The following GJA1 variants were observed in gnomAD, a reference collection of about 807,000 sequenced individuals.
The protein encoded by GJA1 is gap junction protein alpha 1, also known as gap junction alpha-1 protein.
In GJA1, 9 loss-of-function variants were observed where a neutral mutation model predicts 31.0. The ratio of observed to expected loss-of-function variants is 0.29; its 90% CI spans 0.17 to 0.51. GJA1 has a LOEUF of 0.51. GJA1 is among the 20% of genes least tolerant of loss of function. The pLI, the probability that GJA1 is intolerant of heterozygous loss-of-function variation, is 0.98. For synonymous variants in GJA1, 186 were observed against 180.1 expected, an observed-to-expected ratio of 1.03 and a Z score of -0.26; for missense variants, 278 against 468.8, an observed-to-expected ratio of 0.59 and a Z score of 3.76.
chr6:121,440,537 T>C (rs1773753713), intron 1 of GJA1, among the ~76,000 whole-genome samples: 1 of 152,084 alleles, frequency 6.6e-6, no homozygotes, highest in Non-Finnish European at 1.5e-5. Flanking sequence ...AATGAGATGA[T>C]GACAATAGTT....
At chr6:121,441,187 C>A (rs1395838600) in intron 1 of GJA1, among the ~76,000 whole-genome samples, 1 of 152,094 alleles carries the variant, frequency 6.6e-6, no homozygotes, top group Non-Finnish European at 1.5e-5. Flanking sequence ...CTCCTAACCT[C>A]GTGATCCGCC....
intron 1 of GJA1, among the ~76,000 whole-genome samples, chr6:121,436,519 A>G (rs950148193): frequency 2.0e-5 from 3 of 152,228 alleles, no homozygotes; most frequent in Non-Finnish European, 4.4e-5. Flanking sequence ...AGCAACCGCT[A>G]TGGAAAGATT....
chr6:121,438,556 G>T (rs149557887), intron 1 of GJA1, among the ~76,000 whole-genome samples: 8 of 152,186 alleles, frequency 5.3e-5, no homozygotes, highest in Admixed American at 2.0e-4. Flanking sequence ...TATGATACCC[G>T]CAGGGAAGGG....
chr6:121,437,582 C>A (rs574456212), intron 1 of GJA1, among the ~76,000 whole-genome samples: 51 of 152,146 alleles, frequency 3.4e-4, no homozygotes, highest in African/African-American at 1.1e-3. Flanking sequence ...CAGCCTGTTT[C>A]CGAGACGCGC....
chr6:121,448,051 C>A lies in GJA1; in HGVS notation c.*55C>A. The A allele has an allele frequency of 1.3e-6, 2 of 1,481,490 alleles. No individual in the cohort carries two copies. Among genetic ancestry groups the A allele is most frequent in the Admixed American group, 3.3e-5 (2 of 59,810 alleles). The allele number at this position is 1,481,490 out of a possible 1,614,324, so 91.8% of individuals were successfully genotyped here. ...TCAATTGTGGAGAAGAAAAAAGGTG[C>A]TGTAGAAAGTGCACCAGGTGTTAAT... On this transcript the variant is annotated 3_prime_UTR_variant, in exon 2 of 2. Coordinates refer to ENST00000282561, the MANE Select transcript of GJA1 (RefSeq NM_000165.5).
At chr6:121,441,806 C>T (rs1464745303) in intron 1 of GJA1, among the ~76,000 whole-genome samples, 1 of 152,100 alleles carries the variant, frequency 6.6e-6, no homozygotes, top group Non-Finnish European at 1.5e-5. Flanking sequence ...ACCTAGCAAA[C>T]TGATGATGGC....
chr6:121,439,910 G>A (rs921220523), intron 1 of GJA1, among the ~76,000 whole-genome samples: 2 of 152,176 alleles, frequency 1.3e-5, no homozygotes, highest in African/African-American at 4.8e-5. Flanking sequence ...AGGAAGTAAA[G>A]GTTGGGTATT....
At chr6:121,441,062 C>G (rs1473898662) in intron 1 of GJA1, among the ~76,000 whole-genome samples, 1 of 152,172 alleles carries the variant, frequency 6.6e-6, no homozygotes, top group African/African-American at 2.4e-5. Context: ...CCTGCCTCAG[C>G]CTCCCGAGTA....
intron 1 of GJA1, 96 bp from the exon 2 acceptor site, chr6:121,446,736 C>T (rs1773896080): frequency 3.5e-6 from 3 of 851,390 alleles, no homozygotes; most frequent in South Asian, 2.7e-5. Flanking sequence ...TACGTGAAAC[C>T]GTTGGTAGTA....
chr6:121,443,019 T>A (rs964402814), intron 1 of GJA1, among the ~76,000 whole-genome samples: 1 of 152,216 alleles, frequency 6.6e-6, no homozygotes, highest in African/African-American at 2.4e-5. Flanking sequence ...GGTCTTCTCA[T>A]GTATCAAATA....
chr6:121,442,702 G>GTT (rs1449858661), intron 1 of GJA1, among the ~76,000 whole-genome samples: 1 of 152,230 alleles, frequency 6.6e-6, no homozygotes, highest in African/African-American at 2.4e-5. Context: ...AGGAATGTAT[G>GTT]TTTTTAACAA....
rs1773903286 is a variant in GJA1 at position 121,447,225 on chromosome 6, C to G, written c.378C>G (p.His126Gln). The change falls in exon 2 of 2, where the codon CAC becomes CAG. Residue 126 changes from histidine (H) to glutamine (Q), a missense_variant. By Grantham distance (24) the His-to-Gln change is conservative. Transcript: ENST00000282561. ...CTGATGGTGTCAATGTGGACATGCA[C>G]TTGAAGCAGATTGAGATAAAGAAGT... ...AQTDGVNVDMHLKQIEIKKFK... is the reference protein window; with the variant it reads ...AQTDGVNVDMQLKQIEIKKFK... The G allele has an allele frequency of 6.2e-7, 1 of 1,613,966 alleles. No homozygotes were observed. Among genetic ancestry groups the G allele is most frequent in the South Asian group, 1.1e-5 (1 of 91,072 alleles).
At chr6:121,444,031 T>G (rs1032085542) in intron 1 of GJA1, among the ~76,000 whole-genome samples, 2 of 152,188 alleles carry the variant, frequency 1.3e-5, no homozygotes, top group African/African-American at 4.8e-5. Context: ...GGACTATACT[T>G]CTTCATTTCC....
chr6:121,437,168 T>C (rs1036585467), intron 1 of GJA1, among the ~76,000 whole-genome samples: 2 of 152,146 alleles, frequency 1.3e-5, no homozygotes, highest in East Asian at 3.9e-4. Flanking sequence ...CAGCTCGGTC[T>C]TGGGACGTTT....
chr6:121,446,601 C>G (rs1376658961), intron 1 of GJA1, among the ~76,000 whole-genome samples: 2 of 152,244 alleles, frequency 1.3e-5, no homozygotes, highest in Non-Finnish European at 2.9e-5. Flanking sequence ...AACTCATCAT[C>G]TGTTGCTTCT....
intron 1 of GJA1, among the ~76,000 whole-genome samples, chr6:121,440,642 A>C (rs1295762621): frequency 3.4e-5 from 5 of 147,200 alleles, no homozygotes; most frequent in African/African-American, 1.1e-4. Flanking sequence ...AGAAAAAAAC[A>C]AACTTTTTTT....
intron 1 of GJA1, among the ~76,000 whole-genome samples, chr6:121,440,937 TTG>T: frequency 6.9e-6 from 1 of 144,282 alleles, no homozygotes; most frequent in African/African-American, 2.5e-5. Context: ...GTTGTTGTTG[TTG>T]TTGTTTGTCG....
chr6:121,446,716 A>G (rs548067967), intron 1 of GJA1, 116 bp from the exon 2 acceptor site: 1 of 793,768 alleles, frequency 1.3e-6, no homozygotes, highest in South Asian at 1.5e-5. Context: ...TTGTGAAAGA[A>G]TGTTAGAAAT....
chr6:121,441,156 G>A (rs746137256), intron 1 of GJA1, among the ~76,000 whole-genome samples: 1 of 152,104 alleles, frequency 6.6e-6, no homozygotes, highest in Non-Finnish European at 1.5e-5. Context: ...GTTTCACTGT[G>A]TTAGCCAGGA....
Sources: gnomAD v4.1 joint callset for allele counts (sites outside exome capture counted in the v4.1 genomes callset) on GRCh38, gnomAD v4.1.1 for gene constraint, MANE v1.5 for transcripts, NCBI Gene and HGNC (gene_info 2026-07-23, HGNC 2026-07-21) for gene names.